NPAS2: variants seen among roughly 807,000 people sequenced by gnomAD.
NPAS2 encodes the protein neuronal PAS domain-containing protein 2.
NPAS2 carries 23 observed loss-of-function variants against 107.5 expected under a neutral mutation model. The ratio of observed to expected loss-of-function variants is 0.21; its 90% CI spans 0.15 to 0.30. The LOEUF (loss-of-function observed/expected upper bound fraction) is 0.30. NPAS2 is among the 10% of genes least tolerant of loss of function. NPAS2 has a pLI of 1.00. For synonymous variants in NPAS2, 403 were observed against 417.5 expected (o/e 0.97, Z 0.42); for missense variants, 756 against 1,043.3 (o/e 0.72, Z 3.79).
intron 1 of NPAS2, among the ~76,000 whole-genome samples, chr2:100,877,734 T>C (rs545765008): frequency 1.6e-4 from 24 of 152,182 alleles, no homozygotes; most frequent in Non-Finnish European, 3.5e-4. Context: ...ATTGGTCAAT[T>C]GAATATGGCG....
chr2:100,873,303 TATATACACACACACACACACACACAC>T (rs1310638574), intron 1 of NPAS2, among the ~76,000 whole-genome samples: 29 of 45,976 alleles, frequency 6.3e-4, no homozygotes, highest in African/African-American at 2.1e-3. Flanking sequence ...TATATATATA[TATATACACACACACACACACACACAC>T]ACACACACAC....
chr2:100,860,590 G>C (rs984701685), intron 1 of NPAS2, among the ~76,000 whole-genome samples: 1 of 152,108 alleles, frequency 6.6e-6, no homozygotes, highest in Non-Finnish European at 1.5e-5. Context: ...TCCCTTCTAC[G>C]TGTGTTAGTT....
At chr2:100,850,723 T>C (rs1410645410) in intron 1 of NPAS2, among the ~76,000 whole-genome samples, 6 of 151,244 alleles carry the variant, frequency 4.0e-5, no homozygotes, top group East Asian at 3.9e-4. Context: ...GAGGCCGAGG[T>C]GGGAGGATCA....
At chr2:100,935,035 A>G (rs1307630914) in intron 4 of NPAS2, 3 of 985,304 alleles carry the variant, frequency 3.0e-6, no homozygotes, top group Non-Finnish European at 3.6e-6. Flanking sequence ...GCACAAAACC[A>G]GACTCCAGGA....
intron 5 of NPAS2, among the ~76,000 whole-genome samples, chr2:100,945,166 G>A (rs995820281): frequency 2.6e-5 from 4 of 152,148 alleles, no homozygotes; most frequent in Non-Finnish European, 5.9e-5. Flanking sequence ...CGTCCATAAA[G>A]ATAAAGACCG....
chr2:100,888,427 G>T (rs1386913510), intron 1 of NPAS2, among the ~76,000 whole-genome samples: 1 of 152,054 alleles, frequency 6.6e-6, no homozygotes. Flanking sequence ...TTGGAGAGGG[G>T]GACAATGTGA....
intron 2 of NPAS2, among the ~76,000 whole-genome samples, chr2:100,924,444 C>T (rs543605485): frequency 1.3e-5 from 2 of 152,346 alleles, no homozygotes; most frequent in African/African-American, 4.8e-5. Context: ...TTGCATTTTC[C>T]AGAATGTCAT....
chr2:100,838,062 A>G (rs185027337), intron 1 of NPAS2, among the ~76,000 whole-genome samples: 8 of 152,014 alleles, frequency 5.3e-5, no homozygotes, highest in Non-Finnish European at 1.0e-4. Flanking sequence ...TTCTTGCCCT[A>G]CCTGTCTTTC....
At chr2:100,868,351 C>T (rs1345396859) in intron 1 of NPAS2, among the ~76,000 whole-genome samples, 2 of 152,176 alleles carry the variant, frequency 1.3e-5, no homozygotes, top group Non-Finnish European at 2.9e-5. Flanking sequence ...TCTTGAAAGT[C>T]CTGCTGCCCA....
At chr2:100,863,866 C>T (rs1371500201) in intron 1 of NPAS2, among the ~76,000 whole-genome samples, 1 of 152,102 alleles carries the variant, frequency 6.6e-6, no homozygotes, top group Non-Finnish European at 1.5e-5. Context: ...TGCAGATCTC[C>T]TTCTCTCTCT....
chr2:100,982,575 C>A, intron 16 of NPAS2, 198 bp downstream of exon 16: 1 of 614,226 alleles, frequency 1.6e-6, no homozygotes, highest in Non-Finnish European at 2.8e-6. Context: ...CCAGGCCACA[C>A]CCCTGATGTC....
chr2:100,986,089 G>T (rs1340655312), intron 16 of NPAS2: 3 of 152,166 alleles, frequency 2.0e-5, no homozygotes, highest in Non-Finnish European at 4.4e-5. Context: ...CATGAAACAT[G>T]AATCCTCAAA....
At chr2:100,973,203 A>G (rs1393648817) in intron 12 of NPAS2, among the ~76,000 whole-genome samples, 2 of 152,042 alleles carry the variant, frequency 1.3e-5, no homozygotes, top group East Asian at 3.9e-4. Flanking sequence ...TACAAACACA[A>G]TCTTGGGCAC....
intron 1 of NPAS2, among the ~76,000 whole-genome samples, chr2:100,873,268 AAAAATAC>A (rs1558827145): frequency 3.0e-5 from 3 of 99,606 alleles, no homozygotes; most frequent in African/African-American, 1.5e-4. Flanking sequence ...AAAAAAAAAA[AAAAATAC>A]ATATATATAT....
At chr2:100,941,893 T>C (rs1412904803) in intron 5 of NPAS2, among the ~76,000 whole-genome samples, 1 of 152,176 alleles carries the variant, frequency 6.6e-6, no homozygotes, top group African/African-American at 2.4e-5. Context: ...TGTTCCTAGA[T>C]GCAGTGTTGC....
intron 7 of NPAS2, among the ~76,000 whole-genome samples, chr2:100,960,594 G>A (rs1209629275): frequency 6.6e-6 from 1 of 152,064 alleles, no homozygotes. Context: ...CAGGCCTCCT[G>A]CTGACTAGTG....
intron 5 of NPAS2, among the ~76,000 whole-genome samples, chr2:100,940,318 C>G (rs1674500115): frequency 1.3e-5 from 2 of 152,180 alleles, no homozygotes; most frequent in Admixed American, 1.3e-4. Flanking sequence ...TTTCTGGTGC[C>G]CAGGATTTGG....
intron 2 of NPAS2, among the ~76,000 whole-genome samples, chr2:100,906,100 T>A (rs575692554): frequency 6.6e-6 from 1 of 152,352 alleles, no homozygotes; most frequent in East Asian, 1.9e-4. Context: ...CTTTTGCATA[T>A]GTTTGCAAAT....
chr2:100,918,948 A>G (rs1683052929), intron 2 of NPAS2, among the ~76,000 whole-genome samples: 1 of 152,220 alleles, frequency 6.6e-6, no homozygotes, highest in South Asian at 2.1e-4. Flanking sequence ...ACCAATGGGC[A>G]TAGTAGCTGT....
Sources: gnomAD v4.1 joint callset for allele counts (sites outside exome capture counted in the v4.1 genomes callset) on GRCh38, gnomAD v4.1.1 for gene constraint, MANE v1.5 for transcripts, NCBI Gene and HGNC (gene_info 2026-07-23, HGNC 2026-07-21) for gene names.